The following NTRK2 variants were observed in gnomAD, a reference collection of about 807,000 sequenced individuals.
The protein encoded by NTRK2 is neurotrophic receptor tyrosine kinase 2, also known as BDNF/NT-3 growth factors receptor.
NTRK2 carries 13 observed loss-of-function variants against 94.5 expected under a neutral mutation model. That is an observed-to-expected ratio of 0.14 (90% CI 0.09 to 0.22). The LOEUF (loss-of-function observed/expected upper bound fraction) is 0.22. Ranked by LOEUF, NTRK2 falls within the 10% of genes least tolerant of loss-of-function variation. The pLI, the probability that NTRK2 is intolerant of heterozygous loss-of-function variation, is 1.00. For missense variants in NTRK2, 639 were observed against 1,071.2 expected (o/e 0.60, Z 5.63); for synonymous variants, 372 against 407.4 (o/e 0.91, Z 1.05).
rs768311950 is a variant in NTRK2, at chr9:84,741,933, T to A, written c.1195+6T>A. 6.2e-7 allele frequency: 1 copy of A among 1,609,970 alleles called. No homozygotes were observed. Among genetic ancestry groups the A allele is most frequent in the Non-Finnish European group, 8.5e-7 (1 of 1,177,288 alleles). ...TCCTGATGTAATTTATGAAGGTAGC[T>A]ATCGTGTTTTCTACTTTGTATTTCT... On this transcript the variant is annotated splice_donor_region_variant and intron_variant, in intron 10 of 18. Coordinates refer to ENST00000277120, the MANE Select transcript of NTRK2 (RefSeq NM_006180.6).
intron 7 of NTRK2, 147 bp from the exon 8 acceptor site, chr9:84,724,077 C>A: frequency 2.4e-6 from 2 of 820,562 alleles, no homozygotes; most frequent in Non-Finnish European, 3.9e-6. Context: ...TTCTGATTTA[C>A]TTCTTCGCCT....
At chr9:84,763,955 GTC>G (rs1478240787) in intron 12 of NTRK2, among the ~76,000 whole-genome samples, 2 of 151,858 alleles carry the variant, frequency 1.3e-5, no homozygotes, top group Non-Finnish European at 2.9e-5. Context: ...CCCTCATTCT[GTC>G]TCTGTGTGAT....
chr9:84,942,118 C>T (rs955741607), intron 15 of NTRK2, among the ~76,000 whole-genome samples: 12 of 152,174 alleles, frequency 7.9e-5, no homozygotes, highest in Non-Finnish European at 1.3e-4. Context: ...ACATAGCAAG[C>T]ACAATCTGAG....
chr9:84,765,226 C>A (rs117036780), intron 12 of NTRK2, among the ~76,000 whole-genome samples: 3 of 152,124 alleles, frequency 2.0e-5, no homozygotes, highest in East Asian at 1.9e-4. Flanking sequence ...TGCAACTCAA[C>A]GGATAAATGC....
At chr9:84,849,803 A>G (rs2074665406) in intron 12 of NTRK2, among the ~76,000 whole-genome samples, 1 of 152,200 alleles carries the variant, frequency 6.6e-6, no homozygotes, top group Non-Finnish European at 1.5e-5. Flanking sequence ...GAGCTTTACA[A>G]TTCAGTCTCT....
At chr9:84,939,145 G>A (rs1467325849) in intron 15 of NTRK2, among the ~76,000 whole-genome samples, 1 of 151,158 alleles carries the variant, frequency 6.6e-6, no homozygotes, top group African/African-American at 2.4e-5. Context: ...TCTATTGATA[G>A]TCATAGACTT....
intron 14 of NTRK2, among the ~76,000 whole-genome samples, chr9:84,908,088 AAAAC>A (rs574834682): frequency 3.9e-5 from 6 of 152,230 alleles, no homozygotes; most frequent in Non-Finnish European, 7.3e-5. Flanking sequence ...CTACCAAAAC[AAAAC>A]AAACAAACAA....
intron 12 of NTRK2, among the ~76,000 whole-genome samples, chr9:84,829,632 T>C (rs372610913): frequency 6.6e-6 from 1 of 152,206 alleles, no homozygotes; most frequent in African/African-American, 2.4e-5. Context: ...TGGGCCGTTG[T>C]TGGACTCTGC....
intron 14 of NTRK2, among the ~76,000 whole-genome samples, chr9:84,905,938 G>C (rs2077062420): frequency 6.6e-6 from 1 of 152,218 alleles, no homozygotes; most frequent in Admixed American, 6.5e-5. Context: ...GGGTACATGA[G>C]TAAACGGTGA....
At chr9:84,773,388 G>A (rs2066739568) in intron 12 of NTRK2, among the ~76,000 whole-genome samples, 1 of 152,204 alleles carries the variant, frequency 6.6e-6, no homozygotes, top group Admixed American at 6.5e-5. Context: ...TTATGGCATG[G>A]GAAGAACACA....
chr9:84,913,530 T>G (rs954544868), intron 14 of NTRK2, among the ~76,000 whole-genome samples: 27 of 152,218 alleles, frequency 1.8e-4, no homozygotes, highest in Admixed American at 4.6e-4. Context: ...TTCTTGTTCC[T>G]GAACGACATT....
chr9:84,870,462 G>A (rs1275238204), intron 14 of NTRK2, among the ~76,000 whole-genome samples: 1 of 148,930 alleles, frequency 6.7e-6, no homozygotes, highest in Non-Finnish European at 1.5e-5. Context: ...ATAGCCTCCT[G>A]AGTAGCTAGG....
chr9:84,686,732 T>C (rs1021022567), intron 2 of NTRK2, among the ~76,000 whole-genome samples: 1 of 152,222 alleles, frequency 6.6e-6, no homozygotes, highest in African/African-American at 2.4e-5. Context: ...CCTATGAATG[T>C]TTCATGGGGC....
intron 14 of NTRK2, among the ~76,000 whole-genome samples, chr9:84,895,962 TA>T: frequency 1.3e-5 from 2 of 152,326 alleles, no homozygotes; most frequent in Middle Eastern, 6.8e-3. Context: ...AATTCGTAAA[TA>T]AATAACATGG....
At chr9:84,843,734 A>G (rs1419795998) in intron 12 of NTRK2, among the ~76,000 whole-genome samples, 8 of 152,192 alleles carry the variant, frequency 5.3e-5, no homozygotes, top group African/African-American at 1.9e-4. Context: ...TGTAGAATAA[A>G]GAGTTGAAAA....
intron 14 of NTRK2, among the ~76,000 whole-genome samples, chr9:84,880,200 A>G (rs771134908): frequency 2.6e-5 from 4 of 152,174 alleles, no homozygotes; most frequent in Admixed American, 1.3e-4. Context: ...CTGATTTCCT[A>G]GGTGAACTTG....
chr9:84,928,160 C>G (rs1480192481), intron 14 of NTRK2, among the ~76,000 whole-genome samples: 1 of 151,916 alleles, frequency 6.6e-6, no homozygotes, highest in Non-Finnish European at 1.5e-5. Context: ...AATTTAGTAC[C>G]AACTTGTATC....
At chr9:84,696,432 A>G (rs917748273) in intron 2 of NTRK2, among the ~76,000 whole-genome samples, 15 of 152,122 alleles carry the variant, frequency 9.9e-5, no homozygotes, top group African/African-American at 3.6e-4. Context: ...CCCTTCTGTT[A>G]TTGTCTTTCC....
chr9:84,970,398 T>C (rs1826050669), intron 17 of NTRK2, among the ~76,000 whole-genome samples: 1 of 151,386 alleles, frequency 6.6e-6, no homozygotes, highest in African/African-American at 2.4e-5. Flanking sequence ...ATAAAAATAA[T>C]AAAAAATAAA....
Sources: gnomAD v4.1 joint callset for allele counts (sites outside exome capture counted in the v4.1 genomes callset) on GRCh38, gnomAD v4.1.1 for gene constraint, MANE v1.5 for transcripts, NCBI Gene and HGNC (gene_info 2026-07-23, HGNC 2026-07-21) for gene names.